The following PCGF3 variants were observed in gnomAD, a reference collection of about 807,000 sequenced individuals.
PCGF3 encodes polycomb group ring finger 3.
PCGF3 carries 7 observed loss-of-function variants against 33.1 expected under a neutral mutation model. The observed-to-expected ratio is 0.21, with a 90% CI of 0.12 to 0.40. The LOEUF (loss-of-function observed/expected upper bound fraction) is 0.40. PCGF3 is among the 10% of genes least tolerant of loss of function. The probability of loss-of-function intolerance (pLI) is 1.00; values close to 1 mark genes in which losing one functional copy is unlikely to be tolerated. For missense variants in PCGF3, 211 were observed against 313.3 expected, an observed-to-expected ratio of 0.67 and a Z score of 2.46; for synonymous variants, 153 against 121.3, an observed-to-expected ratio of 1.26 and a Z score of -1.72.
chr4:727,044 T>C (rs1743359606), intron 1 of PCGF3, among the ~76,000 whole-genome samples: 1 of 152,154 alleles, frequency 6.6e-6, no homozygotes, highest in Non-Finnish European at 1.5e-5. Context: ...CCCTGTGGGA[T>C]CGTGGGCACC....
chr4:720,960 GGT>G lies in PCGF3; in HGVS notation c.-189-9669_-189-9668del, dbSNP rs529063746. On this transcript the variant is annotated intron_variant, in intron 1 of 10. Coordinates refer to ENST00000362003, the Ensembl canonical transcript of PCGF3. This position sits in a 1 kb window ranked among gnomAD's most constrained non-coding sequence, Gnocchi z 5.6. ...ACCACTTGGACGGGAGCTCTGGCAT[GGT>G]CCAGGGAGTGGCCGAGGACAGCAAG... Among the ~76,000 whole-genome samples, 2 of 152,148 alleles carry G rather than the reference GGT, an allele frequency of 1.3e-5. No homozygotes were observed. The highest frequency in any genetic ancestry group is 2.9e-5 in the Non-Finnish European group (2 of 68,024).
rs77151719 is a variant in PCGF3, at chr4:734,817, G to A, written c.110-114G>A. 8.8e-5 allele frequency: 130 copies of A among 1,470,824 alleles called. No individual in the cohort carries two copies. In the East Asian group the frequency reaches 3.2e-3, roughly 36 times the overall value. The allele number at this position is 1,470,824 out of a possible 1,614,324, so 91.1% of individuals were successfully genotyped here. A position where few individuals can be genotyped will look rare whatever the true frequency, so the allele number is the denominator to read the frequency against. On this transcript the variant is annotated intron_variant, in intron 4 of 10. Transcript: ENST00000362003. ...GCTGAGAGCCACAAGGAGGACAGCA[G>A]TGAGCATCTGCACAGAAACGAGCTC...
At chr4:739,749 G>C (rs746598534) in intron 6 of PCGF3, among the ~76,000 whole-genome samples, 1 of 152,174 alleles carries the variant, frequency 6.6e-6, no homozygotes, top group Admixed American at 6.5e-5. Flanking sequence ...TGGAGTGTGC[G>C]TCCAGCCTGG....
At chr4:755,425 C>T (rs1331693058) in intron 8 of PCGF3, among the ~76,000 whole-genome samples, 7 of 152,184 alleles carry the variant, frequency 4.6e-5, no homozygotes, top group Admixed American at 3.9e-4. Flanking sequence ...ACTGACTTTT[C>T]CTTATGTGAG....
intron 1 of PCGF3, among the ~76,000 whole-genome samples, chr4:707,475 C>CA (rs1383383350): frequency 3.3e-5 from 5 of 150,364 alleles, no homozygotes; most frequent in African/African-American, 1.2e-4. Flanking sequence ...GCCCTGTTTT[C>CA]CCCTGGGGGC....
intron 8 of PCGF3, among the ~76,000 whole-genome samples, chr4:751,630 A>T (rs561033579): frequency 6.6e-6 from 1 of 151,154 alleles, no homozygotes; most frequent in Non-Finnish European, 1.5e-5. Context: ...AAAAAAAAAA[A>T]CATATGAGGG....
intron 1 of PCGF3, chr4:722,131 GAC>G: frequency 6.5e-6 from 1 of 154,894 alleles, no homozygotes; most frequent in Middle Eastern, 3.0e-3. Context: ...GTTATCTAAG[GAC>G]ACACCCACAG....
At chr4:728,078 C>T (rs558870992) in intron 1 of PCGF3, among the ~76,000 whole-genome samples, 2 of 152,288 alleles carry the variant, frequency 1.3e-5, no homozygotes, top group Non-Finnish European at 2.9e-5. Flanking sequence ...AGCAGTTTCA[C>T]GTAAACTTTC....
At chr4:719,983 A>G (rs1743008227) in intron 1 of PCGF3, among the ~76,000 whole-genome samples, 1 of 152,194 alleles carries the variant, frequency 6.6e-6, no homozygotes, top group Non-Finnish European at 1.5e-5. Flanking sequence ...TGAACAGCTA[A>G]TGTTGGGCTG....
intron 1 of PCGF3, among the ~76,000 whole-genome samples, chr4:712,504 G>T (rs890477474): frequency 2.6e-5 from 4 of 152,236 alleles, no homozygotes; most frequent in Non-Finnish European, 5.9e-5. Flanking sequence ...CTGGAGTGCA[G>T]TGGCGCGATC....
intron 1 of PCGF3, among the ~76,000 whole-genome samples, chr4:717,961 G>C (rs1297499068): frequency 1.3e-5 from 2 of 152,224 alleles, no homozygotes; most frequent in African/African-American, 4.8e-5. Context: ...CGTGGGTGCT[G>C]CGTTGAGGTC....
chr4:741,314 C>G (rs527577464), intron 6 of PCGF3, among the ~76,000 whole-genome samples: 4 of 152,220 alleles, frequency 2.6e-5, no homozygotes, highest in Non-Finnish European at 5.9e-5. Flanking sequence ...TTGGCTGATT[C>G]GTTAGCGTTA....
At chr4:725,864 T>G (rs1272894374) in intron 1 of PCGF3, among the ~76,000 whole-genome samples, 1 of 152,168 alleles carries the variant, frequency 6.6e-6, no homozygotes, top group Non-Finnish European at 1.5e-5. Flanking sequence ...TGACGGAGCC[T>G]CCTGGAACCG....
intron 8 of PCGF3, among the ~76,000 whole-genome samples, chr4:747,881 CT>C (rs34031770): frequency 0.67 from 100,501 of 150,248 alleles, 33,766 homozygotes; most frequent in Admixed American, 0.73. Context: ...CTTCCTTTTT[CT>C]TTTTTTTTTT....
chr4:747,912 G>C (rs1472623488), intron 8 of PCGF3, among the ~76,000 whole-genome samples: 2 of 151,978 alleles, frequency 1.3e-5, no homozygotes, highest in Non-Finnish European at 2.9e-5. Flanking sequence ...AGGAACACGT[G>C]CTTAGGGTAA....
Position 720,140 on chromosome 4 carries a change from G to A in PCGF3, c.-189-10490G>A, listed in dbSNP as rs1743012970. Among the ~76,000 whole-genome samples, 3 of 152,192 alleles carry A rather than the reference G, an allele frequency of 2.0e-5. No homozygotes were observed. Among genetic ancestry groups the A allele is most frequent in the South Asian group, 2.1e-4 (1 of 4,832 alleles). The stretch of plus-strand genomic sequence containing the variant: ...TCCCTCCTGAGTGACAGCCCTGGAC[G>A]TGCTGTCGCCTCATGAGGACGCCGA... On this transcript the variant is annotated intron_variant, in intron 1 of 10. Coordinates refer to ENST00000362003, the Ensembl canonical transcript of PCGF3. The surrounding 1 kb of genome is among the most constrained non-coding windows in gnomAD (Gnocchi z 5.6).
intron 6 of PCGF3, among the ~76,000 whole-genome samples, chr4:738,340 C>T (rs1577418701): frequency 6.6e-6 from 1 of 152,236 alleles, no homozygotes; most frequent in South Asian, 2.1e-4. Context: ...TTCATTCATG[C>T]AGGAAGAATT....
chr4:751,013 TAGG>T (rs1232575518), intron 8 of PCGF3, among the ~76,000 whole-genome samples: 1 of 152,062 alleles, frequency 6.6e-6, no homozygotes, highest in East Asian at 1.9e-4. Context: ...TTCTCTTTGA[TAGG>T]AGAGTTTAAC....
chr4:765,880 C>T (rs1745341804), intron 10 of PCGF3, 152 bp from the exon 11 acceptor site: 7 of 679,068 alleles, frequency 1.0e-5, no homozygotes, highest in South Asian at 1.8e-5. Flanking sequence ...CTGGGGGACC[C>T]TTCTGTTGCT....
Sources: gnomAD v4.1 joint callset for allele counts (sites outside exome capture counted in the v4.1 genomes callset) on GRCh38, gnomAD v4.1.1 for gene constraint, Gnocchi (gnomAD v3.1) non-coding constraint, MANE v1.5 for transcripts, NCBI Gene and HGNC (gene_info 2026-07-23, HGNC 2026-07-21) for gene names.